SEPTIN7: variants seen among roughly 807,000 people sequenced by gnomAD.
The protein encoded by SEPTIN7 is septin 7.
SEPTIN7 carries 10 observed loss-of-function variants against 63.3 expected under a neutral mutation model. The observed-to-expected ratio is 0.16, with a 90% CI of 0.10 to 0.27. The LOEUF (loss-of-function observed/expected upper bound fraction) is 0.27, where lower values mean the gene tolerates loss of function less well. Among genes scored for constraint, SEPTIN7 ranks in the 10% least tolerant of loss-of-function variants. SEPTIN7 has a pLI of 1.00. For missense variants in SEPTIN7, 310 were observed against 521.0 expected, an observed-to-expected ratio of 0.59 and a Z score of 3.94; for synonymous variants, 131 against 165.3, an observed-to-expected ratio of 0.79 and a Z score of 1.59.
chr7:35,850,172 G>A (rs1469559383), intron 3 of SEPTIN7, among the ~76,000 whole-genome samples: 1 of 152,180 alleles, frequency 6.6e-6, no homozygotes, highest in Non-Finnish European at 1.5e-5. Flanking sequence ...TACCTCCTGA[G>A]ATGACACTAA....
chr7:35,879,490 T>TTA (rs1330979368), intron 6 of SEPTIN7: 3 of 156,062 alleles, frequency 1.9e-5, no homozygotes, highest in African/African-American at 7.4e-5. Context: ...AAAAATTAAA[T>TTA]AAAAAAAAAA....
At chr7:35,811,358 A>G (rs1373106318) in intron 1 of SEPTIN7, among the ~76,000 whole-genome samples, 2 of 152,224 alleles carry the variant, frequency 1.3e-5, no homozygotes, top group Non-Finnish European at 2.9e-5. Flanking sequence ...ATAAAAATTT[A>G]GTATATAAAC....
At chr7:35,810,510 A>C (rs1383496848) in intron 1 of SEPTIN7, among the ~76,000 whole-genome samples, 3 of 151,632 alleles carry the variant, frequency 2.0e-5, no homozygotes, top group Non-Finnish European at 4.4e-5. Context: ...TTTTTAGTAG[A>C]GCCTGGGTTT....
chr7:35,905,691 T>C lies in SEPTIN7; in HGVS notation c.*1398T>C, dbSNP rs1788577328. 1 of 152,226 alleles carries C rather than the reference T, an allele frequency of 6.6e-6. No homozygotes were observed. Among genetic ancestry groups the C allele is most frequent in the African/African-American group, 2.4e-5 (1 of 41,438 alleles). The allele number at this position is 152,226 out of a possible 1,614,324, so 9.4% of individuals were successfully genotyped here. ...TGCACCACCACGCCTGGCTAATTTTTGTATTTTTTGCAGCCTCCCAAAGTT... is the reference window on the plus strand; with the variant it reads ...TGCACCACCACGCCTGGCTAATTTTCGTATTTTTTGCAGCCTCCCAAAGTT... On this transcript the variant is annotated 3_prime_UTR_variant, in exon 14 of 14. Coordinates refer to ENST00000350320, the MANE Select transcript of SEPTIN7 (RefSeq NM_001788.6).
chr7:35,868,050 A>G lies in SEPTIN7; in HGVS notation c.276+4392A>G, dbSNP rs1785926297. Among the ~76,000 whole-genome samples, 3 of 151,644 alleles carry G rather than the reference A, an allele frequency of 2.0e-5. No individual in the cohort carries two copies. In the South Asian group the frequency reaches 6.3e-4, roughly 32 times the overall value. ...ACACCTGGCTAATTTTTGTATTTTT[A>G]GTAGAGATGGGGTTTCACCATGTTG... On this transcript the variant is annotated intron_variant, in intron 4 of 13. Transcript: ENST00000350320.
intron 10 of SEPTIN7, among the ~76,000 whole-genome samples, chr7:35,889,327 G>A (rs968769210): frequency 2.6e-5 from 4 of 152,196 alleles, no homozygotes; most frequent in African/African-American, 9.7e-5. Context: ...TGAATTTATT[G>A]AGGGACAGAG....
intron 1 of SEPTIN7, among the ~76,000 whole-genome samples, chr7:35,827,534 A>C (rs1294986524): frequency 3.9e-5 from 6 of 152,170 alleles, no homozygotes; most frequent in Non-Finnish European, 8.8e-5. Context: ...TCTGTCATCC[A>C]GGTTGGAGTG....
intron 10 of SEPTIN7, among the ~76,000 whole-genome samples, chr7:35,890,176 T>G (rs1001230815): frequency 6.6e-6 from 1 of 152,210 alleles, no homozygotes; most frequent in Non-Finnish European, 1.5e-5. Flanking sequence ...CTAGACAGTT[T>G]GAAGAAACAG....
the SEPTIN7 span, among the ~76,000 whole-genome samples, chr7:35,914,657 C>CTA: frequency 2.7e-4 from 11 of 41,168 alleles, no homozygotes; most frequent in Admixed American, 7.6e-4. Context: ...CTCTCTCTCT[C>CTA]TCTATATATA....
rs368448008 is a variant in SEPTIN7 at position 35,823,870 on chromosome 7, T to TG, written c.62-7619dup. 3.9e-5 allele frequency among the ~76,000 whole-genome samples: 6 copies of TG among 151,984 alleles called. 1 individual carries two copies. Among genetic ancestry groups the TG allele is most frequent in the Admixed American group, 1.3e-4 (2 of 15,264 alleles). On this transcript the variant is annotated intron_variant, in intron 1 of 13. Transcript: ENST00000350320. ...CCCCTACTTCTCTTCTCTTTTTTTTTGGGATTTTCAAGTTGTTTTATATCT... is the reference window on the plus strand; with the variant it reads ...CCCCTACTTCTCTTCTCTTTTTTTTTGGGGATTTTCAAGTTGTTTTATATCT...
the SEPTIN7 span, among the ~76,000 whole-genome samples, chr7:35,913,325 G>A: frequency 6.6e-6 from 1 of 152,166 alleles, no homozygotes. Flanking sequence ...ACTTTGGCCT[G>A]TGTCAGTTTG....
chr7:35,826,426 G>A (rs1357408323), intron 1 of SEPTIN7, among the ~76,000 whole-genome samples: 1 of 150,396 alleles, frequency 6.6e-6, no homozygotes, highest in Non-Finnish European at 1.5e-5. Context: ...AAAATCCAAA[G>A]GGAGGCAGAT....
At chr7:35,867,608 C>T (rs1583589782) in intron 4 of SEPTIN7, among the ~76,000 whole-genome samples, 1 of 152,264 alleles carries the variant, frequency 6.6e-6, no homozygotes. Context: ...CCTCGGCCTC[C>T]CAAAGTGCCG....
chr7:35,809,053 CATT>C (rs1788537669), intron 1 of SEPTIN7, among the ~76,000 whole-genome samples: 1 of 152,150 alleles, frequency 6.6e-6, no homozygotes, highest in African/African-American at 2.4e-5. Flanking sequence ...AGTATCATAA[CATT>C]GATGTTAAGT....
downstream of SEPTIN7, among the ~76,000 whole-genome samples, chr7:35,911,799 A>C (rs951486957): frequency 6.6e-6 from 1 of 152,242 alleles, no homozygotes; most frequent in South Asian, 2.1e-4. Context: ...ATAAAAAAGC[A>C]TCTAGAAAGA....
At chr7:35,859,842 C>T in intron 3 of SEPTIN7, among the ~76,000 whole-genome samples, 1 of 152,026 alleles carries the variant, frequency 6.6e-6, no homozygotes. Context: ...TATCTTTTTC[C>T]AACCTTTTAC....
At chr7:35,822,061 C>T (rs140732601) in intron 1 of SEPTIN7, among the ~76,000 whole-genome samples, 2,241 of 152,190 alleles carry the variant, frequency 0.015, 50 homozygotes, top group African/African-American at 0.05. Flanking sequence ...AGGCGTGAGC[C>T]ACCACACCTG....
Position 35,904,413 on chromosome 7 carries a change from C to A in SEPTIN7, c.*120C>A. On this transcript the variant is annotated 3_prime_UTR_variant, in exon 14 of 14. Transcript: ENST00000350320. ...TTATCCATAATGATGGATTTAACAGCATGACAAAAATTATTTTTTTTTTTG... is the reference window on the plus strand; with the variant it reads ...TTATCCATAATGATGGATTTAACAGAATGACAAAAATTATTTTTTTTTTTG... 1 of 683,388 alleles carries A rather than the reference C, an allele frequency of 1.5e-6. No homozygotes were observed. Among genetic ancestry groups the A allele is most frequent in the Non-Finnish European group, 2.2e-6 (1 of 444,496 alleles). 42.3% of individuals were successfully genotyped at this position (683,388 alleles called of 1,614,324 possible).
At chr7:35,883,234 G>A (rs1393004125) in intron 8 of SEPTIN7, among the ~76,000 whole-genome samples, 1 of 151,994 alleles carries the variant, frequency 6.6e-6, no homozygotes, top group Non-Finnish European at 1.5e-5. Context: ...CATATTTTCT[G>A]TATTTTATCA....
Sources: gnomAD v4.1 joint callset for allele counts (sites outside exome capture counted in the v4.1 genomes callset) on GRCh38, gnomAD v4.1.1 for gene constraint, MANE v1.5 for transcripts, NCBI Gene and HGNC (gene_info 2026-07-23, HGNC 2026-07-21) for gene names.